Variants in NEK10 observed in about 807,000 individuals in gnomAD.
NEK10 encodes serine/threonine-protein kinase Nek10.
A neutral mutation model predicts 159.8 loss-of-function variants in NEK10; 122 were observed. The ratio of observed to expected loss-of-function variants is 0.76; its 90% confidence interval spans 0.66 to 0.89. NEK10 has a LOEUF of 0.89. NEK10 is among the 40% of genes least tolerant of loss of function. NEK10 has a pLI of 0.00. For synonymous variants in NEK10, 466 were observed against 457.1 expected (o/e 1.02, Z -0.25); for missense variants, 1,342 against 1,323.1 (o/e 1.01, Z -0.22).
At chr3:27,308,008 C>A in intron 10 of NEK10, 63 bp from the exon 11 acceptor site, 2 of 788,148 alleles carry the variant, frequency 2.5e-6, no homozygotes, top group South Asian at 2.9e-5. Flanking sequence ...TGTATTAGTC[C>A]TTTTTCAAAC....
intron 32 of NEK10, among the ~76,000 whole-genome samples, chr3:27,122,082 T>A (rs1941394687): frequency 6.6e-6 from 1 of 152,154 alleles, no homozygotes; most frequent in Non-Finnish European, 1.5e-5. Context: ...GAAAAAAATA[T>A]ATGATTATAT....
intron 26 of NEK10, among the ~76,000 whole-genome samples, chr3:27,181,474 G>T (rs1948097017): frequency 6.6e-6 from 1 of 152,078 alleles, no homozygotes; most frequent in African/African-American, 2.4e-5. Flanking sequence ...AAGAGGAGGG[G>T]TTGGTTTTGC....
intron 32 of NEK10, among the ~76,000 whole-genome samples, chr3:27,123,559 A>C (rs1013843218): frequency 6.6e-6 from 1 of 152,204 alleles, no homozygotes; most frequent in African/African-American, 2.4e-5. Flanking sequence ...GCACAGATCC[A>C]AACAATGAAA....
intron 23 of NEK10, chr3:27,215,804 C>T (rs1452671860): frequency 2.8e-6 from 2 of 717,134 alleles, no homozygotes; most frequent in African/African-American, 3.5e-5. Context: ...CCAATGATAG[C>T]AGAAGGCAAA....
At position 27,215,671 on chromosome 3, in the gene NEK10, T is replaced by C. The variant is rs1455788153; in HGVS notation, c.2091-13114A>G. On this transcript the variant is annotated intron_variant, in intron 23 of 35. Transcript: ENST00000691995. ...AGAGTGTATGAATCCGTTCTTGCAC[T>C]ACTACAAAGAAATACCTGAGACTAG... 6.5e-6 allele frequency: 4 copies of C among 617,326 alleles called. No individual in the cohort carries two copies. The East Asian group carries it at 8.4e-5, about 13-fold the overall frequency. The allele number at this position is 617,326 out of a possible 1,614,324, so 38.2% of individuals were successfully genotyped here.
chr3:27,295,646 C>T lies in NEK10; in HGVS notation c.1275G>A (p.Lys425=), dbSNP rs1376016482. Residue 425 remains lysine (K), a synonymous_variant, in exon 15 of 36, where the codon AAG becomes AAA. Coordinates refer to ENST00000691995, the MANE Select transcript of NEK10 (RefSeq NM_001394966.1). ...YTIAKLILPN[K]QKNAAKSNLL... is the part of the protein sequence containing the mutation. ...GATTACTTTTTGCTGCATTCTTTTG[C>T]TTATTTGGTAAAATTAATTTTGCTA... 2.6e-6 allele frequency: 4 copies of T among 1,567,224 alleles called. No homozygotes were observed. The Admixed American group carries it at 7.6e-5, about 30-fold the overall frequency.
intron 22 of NEK10, among the ~76,000 whole-genome samples, chr3:27,278,415 G>A (rs557005841): frequency 1.3e-5 from 2 of 152,322 alleles, no homozygotes; most frequent in African/African-American, 4.8e-5. Flanking sequence ...TGAGCTCAGG[G>A]AGCAGAAACC....
intron 23 of NEK10, among the ~76,000 whole-genome samples, chr3:27,228,726 G>A (rs925386382): frequency 6.6e-6 from 1 of 152,112 alleles, no homozygotes; most frequent in African/African-American, 2.4e-5. Context: ...TTGCACAAGA[G>A]GCAGAGTGAC....
chr3:27,214,557 TG>T (rs149478610), intron 23 of NEK10, among the ~76,000 whole-genome samples: 30,697 of 149,638 alleles, frequency 0.21, 3,124 homozygotes, highest in African/African-American at 0.24. Context: ...TTCTTTTTTT[TG>T]TTTTTCCTAT....
At chr3:27,330,033 C>T (rs766040002) in intron 5 of NEK10, among the ~76,000 whole-genome samples, 1 of 126,680 alleles carries the variant, frequency 7.9e-6, no homozygotes, top group Non-Finnish European at 1.9e-5. Flanking sequence ...GACATAAATG[C>T]TATGTAAGTA....
At chr3:27,353,361 A>G (rs2048107559) in intron 1 of NEK10, among the ~76,000 whole-genome samples, 1 of 152,110 alleles carries the variant, frequency 6.6e-6, no homozygotes, top group Admixed American at 6.6e-5. Context: ...TTTGACTTCA[A>G]TGTGTTGTTC....
intron 23 of NEK10, among the ~76,000 whole-genome samples, chr3:27,247,449 A>C (rs1453793548): frequency 6.6e-6 from 1 of 152,228 alleles, no homozygotes; most frequent in African/African-American, 2.4e-5. Flanking sequence ...ATATCCTTGC[A>C]TCTCTGGGAT....
chr3:27,136,280 T>A (rs1161298939), intron 31 of NEK10, among the ~76,000 whole-genome samples: 1 of 151,546 alleles, frequency 6.6e-6, no homozygotes, highest in East Asian at 1.9e-4. Flanking sequence ...GCCCGGCTAA[T>A]TTTTTCTATT....
intron 29 of NEK10, 81 bp downstream of exon 29, chr3:27,171,738 C>A: frequency 2.1e-6 from 3 of 1,440,132 alleles, no homozygotes; most frequent in East Asian, 2.3e-5. Context: ...AAACTTCTGG[C>A]TATCAGGTTT....
At chr3:27,302,733 G>C (rs2043928208) in intron 12 of NEK10, among the ~76,000 whole-genome samples, 1 of 152,114 alleles carries the variant, frequency 6.6e-6, no homozygotes, top group African/African-American at 2.4e-5. Flanking sequence ...AACATGGATG[G>C]AGTTTCCTTG....
chr3:27,263,679 G>A (rs2040623692), intron 22 of NEK10, among the ~76,000 whole-genome samples: 1 of 152,208 alleles, frequency 6.6e-6, no homozygotes, highest in Non-Finnish European at 1.5e-5. Flanking sequence ...CGCAGTATTA[G>A]GGTGGGAGTG....
At chr3:27,324,237 T>G (rs1039780863) in intron 5 of NEK10, among the ~76,000 whole-genome samples, 2 of 152,218 alleles carry the variant, frequency 1.3e-5, no homozygotes, top group Non-Finnish European at 2.9e-5. Context: ...ATGTTAAAGC[T>G]TTTCAGTCAG....
At chr3:27,158,038 T>C (rs1575042879) in intron 30 of NEK10, among the ~76,000 whole-genome samples, 1 of 152,184 alleles carries the variant, frequency 6.6e-6, no homozygotes, top group Non-Finnish European at 1.5e-5. Context: ...ACATAACCTT[T>C]ATGTGCATTG....
intron 22 of NEK10, among the ~76,000 whole-genome samples, chr3:27,276,891 C>T (rs2041813670): frequency 6.6e-6 from 1 of 152,130 alleles, no homozygotes; most frequent in Non-Finnish European, 1.5e-5. Context: ...CTCCAAAAAC[C>T]ATCAACCAAA....
Sources: gnomAD v4.1 joint callset for allele counts (sites outside exome capture counted in the v4.1 genomes callset) on GRCh38, gnomAD v4.1.1 for gene constraint, MANE v1.5 for transcripts, NCBI Gene and HGNC (gene_info 2026-07-23, HGNC 2026-07-21) for gene names.